CCZ1B: variants seen among roughly 807,000 people sequenced by gnomAD.
The protein encoded by CCZ1B is CCZ1B vacuolar protein trafficking and biogenesis associated, also known as vacuolar fusion protein CCZ1 homolog B.
In CCZ1B, 25 loss-of-function variants were observed where a neutral mutation model predicts 58.8. The ratio of observed to expected loss-of-function variants is 0.43; its 90% CI spans 0.31 to 0.59. CCZ1B has a LOEUF of 0.59. CCZ1B is among the 20% of genes least tolerant of loss of function. CCZ1B has a pLI of 0.12. For synonymous variants in CCZ1B, 66 were observed against 173.2 expected (o/e 0.38, Z 4.86); for missense variants, 180 against 501.5 (o/e 0.36, Z 6.12).
In CCZ1B at chr7:6,818,840, C is replaced by T. The variant is rs1269650039; in HGVS notation, c.698+926G>A. Among the ~76,000 whole-genome samples, 9 of 148,806 alleles carry T rather than the reference C, an allele frequency of 6.0e-5. 1 individual carries two copies. The highest frequency in any genetic ancestry group is 1.2e-4 in the Non-Finnish European group (8 of 67,562). On this transcript the variant is annotated intron_variant, in intron 7 of 14. Transcript: ENST00000316731. ...ACTCTAGGCCAAATGTGCACAACCT[C>T]GGTTGCCACCCAGCTCTCAGGGGTC...
rs936191081 is a variant in CCZ1B at position 6,818,409 on chromosome 7, C to T, written c.698+1357G>A. 1.1e-4 allele frequency among the ~76,000 whole-genome samples: 16 copies of T among 148,756 alleles called. 1 individual carries two copies. Among genetic ancestry groups the T allele is most frequent in the Non-Finnish European group, 1.5e-4 (10 of 67,468 alleles). ...ACTGAAAATACAAAAATTAGCCGGG[C>T]ATGGTGGCATATGCCTGTAATCCCA... On this transcript the variant is annotated intron_variant, in intron 7 of 14. Transcript: ENST00000316731.
intron 10 of CCZ1B, among the ~76,000 whole-genome samples, chr7:6,809,359 C>T (rs1782884870): frequency 7.6e-6 from 1 of 131,452 alleles, no homozygotes; most frequent in African/African-American, 3.2e-5. Flanking sequence ...CATTGTATCT[C>T]AAAGTCATTA....
At chr7:6,820,942 T>C (rs1393343782) in intron 6 of CCZ1B, among the ~76,000 whole-genome samples, 2 of 147,238 alleles carry the variant, frequency 1.4e-5, no homozygotes, top group African/African-American at 5.1e-5. Flanking sequence ...ATTAACTCCC[T>C]GCCTTAATGC....
chr7:6,799,380 T>A, intron 14 of CCZ1B, 101 bp from the exon 15 acceptor site: 1 of 642,126 alleles, frequency 1.6e-6, no homozygotes, highest in Non-Finnish European at 2.1e-6. Flanking sequence ...GAAGAGAGAT[T>A]TGCATTGATT....
At chr7:6,821,037 C>T (rs1783101706) in intron 6 of CCZ1B, among the ~76,000 whole-genome samples, 1 of 148,432 alleles carries the variant, frequency 6.7e-6, no homozygotes, top group Non-Finnish European at 1.5e-5. Flanking sequence ...GAGATGGAGT[C>T]TTGGTCTGTC....
chr7:6,819,935 G>A lies in CCZ1B; in HGVS notation c.529C>T (p.Gln177Ter). Reference sequence around the variant, plus strand: ...TCACATGACTGCAAATGTAGCGTTTGCAAATACTGTGGAAAAAAAATAAGG... The same window carrying A: ...TCACATGACTGCAAATGTAGCGTTTACAAATACTGTGGAAAAAAAATAAGG... ...RLEKFFHRYLQTLHLQSCDLL... is the reference protein window; with the variant it reads ...RLEKFFHRYL The change falls in exon 7 of 15, where the codon CAA becomes TAA. Residue 177 changes from glutamine (Q) to a stop codon, truncating the protein, a stop_gained. Coordinates refer to ENST00000316731, the MANE Select transcript of CCZ1B (RefSeq NM_198097.5). LOFTEE classifies it high-confidence loss of function. The A allele has an allele frequency of 6.2e-7, 1 of 1,606,138 alleles. No homozygotes were observed.
At position 6,801,853 on chromosome 7, in the gene CCZ1B, C is replaced by T. The variant is rs1348002562; in HGVS notation, c.1107-330G>A. 4.4e-5 allele frequency among the ~76,000 whole-genome samples: 5 copies of T among 112,580 alleles called. No individual in the cohort carries two copies. In the South Asian group the frequency reaches 2.3e-3, roughly 51 times the overall value. 73.9% of individuals were successfully genotyped at this position (112,580 alleles called of 152,430 possible). A position where few individuals can be genotyped will look rare whatever the true frequency, so the allele number is the denominator to read the frequency against. On this transcript the variant is annotated intron_variant, in intron 12 of 14. Coordinates refer to ENST00000316731, the MANE Select transcript of CCZ1B (RefSeq NM_198097.5). ...CCTCCCAAAGTGCAGGGATTACAGGCGTGAGCCCCCGCGCCCGGCCCTGGC... is the reference window on the plus strand; with the variant it reads ...CCTCCCAAAGTGCAGGGATTACAGGTGTGAGCCCCCGCGCCCGGCCCTGGC...
At position 6,810,890 on chromosome 7, in the gene CCZ1B, C is replaced by T. The variant is rs1382702840; in HGVS notation, c.954+1062G>A. The stretch of plus-strand genomic sequence containing the variant: ...AACAATGAGGGAACCAGAAGGCTGA[C>T]CAGAGATGGAGGCTTCACTCTGAGT... On this transcript the variant is annotated intron_variant, in intron 10 of 14. Coordinates refer to ENST00000316731, the MANE Select transcript of CCZ1B (RefSeq NM_198097.5). 3.5e-4 allele frequency among the ~76,000 whole-genome samples: 52 copies of T among 149,916 alleles called. 2 individuals are homozygous for T. Among genetic ancestry groups the T allele is most frequent in the Admixed American group, 3.4e-3 (52 of 15,084 alleles).
At chr7:6,825,790 TAAC>T (rs1783187124) in intron 1 of CCZ1B, among the ~76,000 whole-genome samples, 1 of 111,350 alleles carries the variant, frequency 9.0e-6, no homozygotes, top group African/African-American at 3.7e-5. Flanking sequence ...ACTACCCACT[TAAC>T]AAAGCCAAGT....
chr7:6,823,298 G>C lies in CCZ1B; in HGVS notation c.438+15C>G. On this transcript the variant is annotated intron_variant, in intron 5 of 14. Coordinates refer to ENST00000316731, the MANE Select transcript of CCZ1B (RefSeq NM_198097.5). ...AGTGGTTGGACTCTGAGTTGAGAAA[G>C]AACGCCACGCTTACCTTGTACATGC... 1.2e-6 allele frequency: 2 copies of C among 1,605,364 alleles called. No individual in the cohort carries two copies. The highest frequency in any genetic ancestry group is 1.7e-6 in the Non-Finnish European group (2 of 1,176,288).
chr7:6,821,040 G>C (rs1783101779), intron 6 of CCZ1B, among the ~76,000 whole-genome samples: 1 of 147,920 alleles, frequency 6.8e-6, no homozygotes, highest in Non-Finnish European at 1.5e-5. Flanking sequence ...ATGGAGTCTT[G>C]GTCTGTCACC....
chr7:6,820,370 G>C (rs1276960277), intron 6 of CCZ1B, among the ~76,000 whole-genome samples: 1 of 149,104 alleles, frequency 6.7e-6, no homozygotes, highest in Non-Finnish European at 1.5e-5. Flanking sequence ...AGTAGAGACA[G>C]GGTTTCACCA....
At position 6,811,979 on chromosome 7, in the gene CCZ1B, A is replaced by G. The variant is rs765107255; in HGVS notation, c.927T>C (p.Tyr309=). 1.1e-5 allele frequency: 18 copies of G among 1,574,240 alleles called. 2 individuals are homozygous for G. In the African/African-American group the frequency reaches 2.3e-4, roughly 20 times the overall value. Residue 309 remains tyrosine, a synonymous_variant, in exon 10 of 15, where the codon TAT becomes TAC. Transcript: ENST00000316731. ...TATAAACGATTAAATGGAGCTCTTC[A>G]TAAGTGTCATCTGTATTTACAAAAA... is the stretch of plus-strand genomic sequence containing the variant. ...PKIFVNTDDT[Y]EELHLIVYKA...
intron 1 of CCZ1B, among the ~76,000 whole-genome samples, chr7:6,825,095 GAA>G (rs1783173777): frequency 6.6e-6 from 1 of 150,528 alleles, no homozygotes; most frequent in Admixed American, 6.6e-5. Flanking sequence ...TAATTTTTAT[GAA>G]AACTCAAGTC....
rs201583552 is a variant in CCZ1B, at chr7:6,801,117, C to A, written c.1266-42G>T. On this transcript the variant is annotated intron_variant, in intron 13 of 14. Transcript: ENST00000316731. ...AAAATGCAATTGTTCGTTACTCATA[C>A]GGCCAGACTGTGAGAATAAGCGTTC... The A allele has an allele frequency of 4.5e-6, 6 of 1,343,352 alleles. 1 individual carries two copies. Among genetic ancestry groups the A allele is most frequent in the Non-Finnish European group, 3.9e-6 (4 of 1,033,050 alleles). The allele number at this position is 1,343,352 out of a possible 1,614,324, so 83.2% of individuals were successfully genotyped here. A position where few individuals can be genotyped will look rare whatever the true frequency, so the allele number is the denominator to read the frequency against.
At chr7:6,817,810 C>A (rs113536394) in intron 7 of CCZ1B, among the ~76,000 whole-genome samples, 2 of 148,988 alleles carry the variant, frequency 1.3e-5, no homozygotes, top group Non-Finnish European at 3.0e-5. Context: ...GTCAGGAGTT[C>A]GAGACCAGCC....
At chr7:6,821,907 C>A (rs1351038241) in intron 6 of CCZ1B, among the ~76,000 whole-genome samples, 1 of 149,720 alleles carries the variant, frequency 6.7e-6, no homozygotes, top group Non-Finnish European at 1.5e-5. Context: ...AGAACCAATC[C>A]CTGAGATTGT....
intron 3 of CCZ1B, 126 bp downstream of exon 3, chr7:6,824,329 G>A: frequency 7.5e-7 from 1 of 1,342,236 alleles, no homozygotes; most frequent in Non-Finnish European, 1.0e-6. Flanking sequence ...TTTTAAAATT[G>A]CAACCAATTT....
chr7:6,817,488 G>C lies in CCZ1B; in HGVS notation c.698+2278C>G, dbSNP rs530169925. Among the ~76,000 whole-genome samples, 101 of 149,994 alleles carry C rather than the reference G, an allele frequency of 6.7e-4. 7 individuals carry two copies. Among genetic ancestry groups the C allele is most frequent in the African/African-American group, 2.3e-3 (92 of 39,930 alleles). On this transcript the variant is annotated intron_variant, in intron 7 of 14. Coordinates refer to ENST00000316731, the MANE Select transcript of CCZ1B (RefSeq NM_198097.5). ...ACTGCTGGATTCTGGCTTGTCACAC[G>C]ACATCTCCCTATCGCCGTGGCTGCG...
Sources: allele counts gnomAD v4.1 joint callset (sites outside exome capture counted in the v4.1 genomes callset), GRCh38; gene constraint gnomAD v4.1.1; transcripts MANE v1.5; gene names NCBI Gene and HGNC (gene_info 2026-07-23, HGNC 2026-07-21).